The following MAP3K4 variants were observed in gnomAD, a reference collection of about 807,000 sequenced individuals.
MAP3K4 encodes the protein MAP three kinase 1.
A neutral mutation model predicts 185.6 loss-of-function variants in MAP3K4; 67 were observed. That is an observed-to-expected ratio of 0.36 (90% CI 0.30 to 0.44). The LOEUF is 0.44. MAP3K4 is among the 20% of genes least tolerant of loss of function. MAP3K4 has a pLI of 1.00. For synonymous variants in MAP3K4, 702 were observed against 710.4 expected (o/e 0.99, Z 0.19); for missense variants, 1,551 against 1,995.1 (o/e 0.78, Z 4.24).
rs953535403 is a variant in MAP3K4 at position 161,056,378 on chromosome 6, ATAGAAT to A, written c.1707+6405_1707+6410del. On this transcript the variant is annotated intron_variant, in intron 3 of 26. Transcript: ENST00000392142. This position sits in a 1 kb window ranked among gnomAD's most constrained non-coding sequence, Gnocchi z 5.4. The stretch of plus-strand genomic sequence containing the variant: ...TCATTGCTTTTAGGCCTTCTCAGTG[ATAGAAT>A]TAGAACGTACAGGTATGTCTTCTAA... Among the ~76,000 whole-genome samples the A allele has an allele frequency of 9.9e-5, 15 of 152,174 alleles. No homozygotes were observed. The highest frequency in any genetic ancestry group is 2.1e-4 in the South Asian group (1 of 4,826).
At chr6:161,095,412 G>C (rs1484281025) in intron 15 of MAP3K4, among the ~76,000 whole-genome samples, 1 of 152,206 alleles carries the variant, frequency 6.6e-6, no homozygotes, top group Non-Finnish European at 1.5e-5. Context: ...GAATGAAAAT[G>C]AGAGCACATC....
chr6:161,002,057 T>G (rs934750839), intron 1 of MAP3K4, among the ~76,000 whole-genome samples: 2 of 151,128 alleles, frequency 1.3e-5, no homozygotes, highest in South Asian at 2.1e-4. Context: ...AAGGTTTTTT[T>G]TTTTTTTTTT....
chr6:161,034,207 A>G lies in MAP3K4; in HGVS notation c.153-52A>G. On this transcript the variant is annotated intron_variant, in intron 1 of 26. Coordinates refer to ENST00000392142, the MANE Select transcript of MAP3K4 (RefSeq NM_005922.4). The surrounding 1 kb of genome is among the most constrained non-coding windows in gnomAD (Gnocchi z 4.4). ...ATTTAAAAAATTATAAGTAAATTTG[A>G]ATTCACTTAACTGTGTTGCTGAATA... The G allele has an allele frequency of 1.5e-6, 2 of 1,356,802 alleles. No individual in the cohort carries two copies. Among genetic ancestry groups the G allele is most frequent in the Middle Eastern group, 3.8e-4 (2 of 5,290 alleles). The allele number at this position is 1,356,802 out of a possible 1,614,324, so 84.0% of individuals were successfully genotyped here. A position where few individuals can be genotyped will look rare whatever the true frequency, so the allele number is the denominator to read the frequency against.
intron 3 of MAP3K4, among the ~76,000 whole-genome samples, chr6:161,069,298 T>C (rs1319401376): frequency 6.6e-6 from 1 of 152,096 alleles, no homozygotes; most frequent in Admixed American, 6.5e-5. Flanking sequence ...TTTAGAGTAT[T>C]TTAGTGGCAT....
At chr6:161,072,648 A>G (rs1785000133) in intron 4 of MAP3K4, among the ~76,000 whole-genome samples, 1 of 152,078 alleles carries the variant, frequency 6.6e-6, no homozygotes, top group Non-Finnish European at 1.5e-5. Flanking sequence ...ACATTTTTAG[A>G]CTCTAGAAAG....
In MAP3K4 at chr6:161,049,216, C is replaced by G; in HGVS notation, c.944C>G (p.Ala315Gly). 1 of 1,614,088 alleles carries G rather than the reference C, an allele frequency of 6.2e-7. No individual in the cohort carries two copies. The highest frequency in any genetic ancestry group is 8.5e-7 in the Non-Finnish European group (1 of 1,180,000). The change falls in exon 3 of 27, where the codon GCT becomes GGT. Residue 315 changes from alanine to glycine, a missense_variant. This residue lies in a region of MAP3K4 where 93 missense variants were observed against 96.7 expected (regional missense o/e 0.96). Coordinates refer to ENST00000392142, the MANE Select transcript of MAP3K4 (RefSeq NM_005922.4). The surrounding 1 kb of genome is among the most constrained non-coding windows in gnomAD (Gnocchi z 8.4). ...YGSFAFVRDR[A>G]GFNGTSVEGQ... ...AGCTTCGCCTTTGTTAGAGATAGAG[C>G]TGGTTTTAATGGTACTTCAGTAGAA... is the stretch of plus-strand genomic sequence containing the variant.
chr6:160,993,015 G>A (rs655382), intron 1 of MAP3K4, among the ~76,000 whole-genome samples: 141,378 of 152,214 alleles, frequency 0.93, 65,956 homozygotes, highest in Non-Finnish European at 0.94. Context: ...CTTGCTCTAT[G>A]GTTCTAGGAA....
At position 161,084,366 on chromosome 6, in the gene MAP3K4, AG is replaced by A; in HGVS notation, c.2256-134del. On this transcript the variant is annotated intron_variant, in intron 6 of 26. Coordinates refer to ENST00000392142, the MANE Select transcript of MAP3K4 (RefSeq NM_005922.4). The surrounding 1 kb of genome is among the most constrained non-coding windows in gnomAD (Gnocchi z 4.6). ...TCCACGTCCAGGGTTTTATATTAAA[AG>A]AAGAGAAATTTTTCATTTTTGATTT... The A allele has an allele frequency of 1.7e-6, 1 of 585,478 alleles. No homozygotes were observed. 36.3% of individuals were successfully genotyped at this position (585,478 alleles called of 1,614,324 possible).
chr6:161,056,652 A>G lies in MAP3K4; in HGVS notation c.1707+6673A>G, dbSNP rs920724120. On this transcript the variant is annotated intron_variant, in intron 3 of 26. Coordinates refer to ENST00000392142, the MANE Select transcript of MAP3K4 (RefSeq NM_005922.4). The surrounding 1 kb of genome is among the most constrained non-coding windows in gnomAD (Gnocchi z 5.4). The stretch of plus-strand genomic sequence containing the variant: ...TAACCAGTACCCCTGTGAGGAATAA[A>G]TTTATCAACTAGGGTGTAGTGTTTC... 2.0e-5 allele frequency among the ~76,000 whole-genome samples: 3 copies of G among 152,194 alleles called. No individual in the cohort carries two copies. Among genetic ancestry groups the G allele is most frequent in the Admixed American group, 6.5e-5 (1 of 15,288 alleles).
At chr6:161,021,271 G>C (rs561994232) in intron 1 of MAP3K4, among the ~76,000 whole-genome samples, 1 of 152,152 alleles carries the variant, frequency 6.6e-6, no homozygotes, top group Non-Finnish European at 1.5e-5. Context: ...TTGATTGCTG[G>C]AGTGTAGACA....
chr6:161,006,423 T>C (rs1050195273), intron 1 of MAP3K4, among the ~76,000 whole-genome samples: 1 of 152,204 alleles, frequency 6.6e-6, no homozygotes, highest in Non-Finnish European at 1.5e-5. Context: ...AATAATTCAG[T>C]GTAACAATCA....
chr6:161,090,623 C>T (rs548041078), intron 11 of MAP3K4, among the ~76,000 whole-genome samples: 632 of 61,208 alleles, frequency 0.01, 31 homozygotes, highest in Non-Finnish European at 0.02. Context: ...GGCCGTCCTG[C>T]GCATTGTAGG....
intron 1 of MAP3K4, among the ~76,000 whole-genome samples, chr6:161,026,815 T>C (rs1782695342): frequency 6.6e-6 from 1 of 150,992 alleles, no homozygotes; most frequent in Non-Finnish European, 1.5e-5. Context: ...ATGAAGTCTT[T>C]AAAGTGTTTT....
rs1288662319 is a variant in MAP3K4 at position 161,050,955 on chromosome 6, A to C, written c.1707+976A>C. 2.0e-5 allele frequency among the ~76,000 whole-genome samples: 3 copies of C among 152,352 alleles called. No individual in the cohort carries two copies. In the East Asian group the frequency reaches 5.8e-4, roughly 29 times the overall value. Reference sequence around the variant, plus strand: ...CGGATCCCAAAATCCGAAAATGCTCAAGTCCCTCATACAAAATGATGCAGT... The same window carrying C: ...CGGATCCCAAAATCCGAAAATGCTCCAGTCCCTCATACAAAATGATGCAGT... On this transcript the variant is annotated intron_variant, in intron 3 of 26. Coordinates refer to ENST00000392142, the MANE Select transcript of MAP3K4 (RefSeq NM_005922.4).
At chr6:160,998,760 CT>C (rs1458102485) in intron 1 of MAP3K4, among the ~76,000 whole-genome samples, 3 of 152,170 alleles carry the variant, frequency 2.0e-5, no homozygotes, top group African/African-American at 7.2e-5. Context: ...TGTTTAAATG[CT>C]TTCCCCATTT....
intron 1 of MAP3K4, among the ~76,000 whole-genome samples, chr6:161,025,065 C>A (rs962414624): frequency 6.6e-6 from 1 of 152,078 alleles, no homozygotes; most frequent in Non-Finnish European, 1.5e-5. Context: ...AATATGGGCT[C>A]ATGGTTGTAA....
rs976440750 is a variant in MAP3K4, at chr6:161,037,936, C to T, written c.343+3487C>T. 4.1e-4 allele frequency among the ~76,000 whole-genome samples: 63 copies of T among 152,114 alleles called. No homozygotes were observed. Among genetic ancestry groups the T allele is most frequent in the Non-Finnish European group, 1.5e-4 (10 of 68,028 alleles). On this transcript the variant is annotated intron_variant, in intron 2 of 26. Transcript: ENST00000392142. The surrounding 1 kb of genome is among the most constrained non-coding windows in gnomAD (Gnocchi z 4.2). ...CATTTCCTTGTATGTCTTCCTAGTC[C>T]TTCGCTTTATCTCACTACATAATGC...
In MAP3K4 at chr6:161,049,130, A is replaced by G; in HGVS notation, c.858A>G (p.Thr286=). The G allele has an allele frequency of 1.2e-6, 2 of 1,614,162 alleles. No homozygotes were observed. The highest frequency in any genetic ancestry group is 1.7e-6 in the Non-Finnish European group (2 of 1,180,024). The part of the protein sequence containing the change: ...TINDQDFFLY[T]ARQAIPDIIN... ...ACGACCAGGACTTCTTTTTATATAC[A>G]GCCCGTCAAGCCATCCCAGATATTA... is the stretch of plus-strand genomic sequence containing the variant. Residue 286 remains threonine (T), a synonymous_variant, in exon 3 of 27, where the codon ACA becomes ACG. Coordinates refer to ENST00000392142, the MANE Select transcript of MAP3K4 (RefSeq NM_005922.4). The surrounding 1 kb of genome is among the most constrained non-coding windows in gnomAD (Gnocchi z 8.4).
At chr6:161,055,146 A>G (rs1017240914) in intron 3 of MAP3K4, among the ~76,000 whole-genome samples, 6 of 151,906 alleles carry the variant, frequency 3.9e-5, no homozygotes, top group South Asian at 4.2e-4. Flanking sequence ...CTTGCCTCCA[A>G]CTCTTGCTCC....
Sources: allele counts gnomAD v4.1 joint callset (sites outside exome capture counted in the v4.1 genomes callset), GRCh38; gene constraint gnomAD v4.1.1; regional missense constraint gnomAD v4.1.1; non-coding constraint Gnocchi (gnomAD v3.1); transcripts MANE v1.5; gene names NCBI Gene and HGNC (gene_info 2026-07-23, HGNC 2026-07-21).